The following CEP126 variants were observed in gnomAD, a reference collection of about 807,000 sequenced individuals.
CEP126 encodes the protein centrosomal protein of 126 kDa.
In CEP126, 74 loss-of-function variants were observed where a neutral mutation model predicts 107.8. The observed-to-expected ratio is 0.69, with a 90% CI of 0.57 to 0.83. CEP126 has a LOEUF of 0.83. Ranked by LOEUF, CEP126 falls within the 40% of genes least tolerant of loss-of-function variation. The probability of loss-of-function intolerance (pLI) is 0.00; values close to 1 mark genes in which losing one functional copy is unlikely to be tolerated. For missense variants in CEP126, 1,237 were observed against 1,281.9 expected (o/e 0.96, Z 0.53); for synonymous variants, 449 against 446.0 (o/e 1.01, Z -0.08).
intron 1 of CEP126, among the ~76,000 whole-genome samples, chr11:101,920,007 C>A (rs973604640): frequency 6.6e-6 from 1 of 152,114 alleles, no homozygotes; most frequent in Non-Finnish European, 1.5e-5. Flanking sequence ...TAGCAAAGAA[C>A]CAAATTTTCT....
intron 2 of CEP126, among the ~76,000 whole-genome samples, chr11:101,937,920 G>A (rs1373496211): frequency 7.3e-5 from 11 of 151,460 alleles, no homozygotes; most frequent in African/African-American, 2.2e-4. Flanking sequence ...TTGGGAGGCC[G>A]AGGCGGGTGG....
intron 2 of CEP126, among the ~76,000 whole-genome samples, chr11:101,924,925 TTTC>T (rs1288637485): frequency 6.6e-6 from 1 of 152,194 alleles, no homozygotes; most frequent in Non-Finnish European, 1.5e-5. Flanking sequence ...ACATTTTTAT[TTTC>T]TTATTATTTA....
intron 1 of CEP126, among the ~76,000 whole-genome samples, chr11:101,918,881 G>C (rs1940277973): frequency 6.6e-6 from 1 of 152,132 alleles, no homozygotes; most frequent in Non-Finnish European, 1.5e-5. Context: ...AGGATGAGTA[G>C]AGTTAGCCAA....
intron 9 of CEP126, among the ~76,000 whole-genome samples, chr11:101,987,491 A>G (rs760948831): frequency 3.9e-5 from 6 of 152,154 alleles, no homozygotes; most frequent in Non-Finnish European, 8.8e-5. Flanking sequence ...TATTTAACTC[A>G]TGGGGTGAAA....
In CEP126 at chr11:101,922,766, T is replaced by C. The variant is rs1375535213; in HGVS notation, c.248+6T>C. On this transcript the variant is annotated splice_donor_region_variant and intron_variant, in intron 2 of 10. Coordinates refer to ENST00000263468, the MANE Select transcript of CEP126 (RefSeq NM_020802.4). ...GAGTCAAATCGGAGAAAAAAGTAAG[T>C]AATTGCACTTTATTCAGAAGTATAG... 5 of 1,606,700 alleles carry C rather than the reference T, an allele frequency of 3.1e-6. No individual in the cohort carries two copies. The African/African-American group carries it at 6.7e-5, about 22-fold the overall frequency.
intron 8 of CEP126, among the ~76,000 whole-genome samples, chr11:101,986,159 T>C (rs1345920175): frequency 6.6e-6 from 1 of 152,084 alleles, no homozygotes; most frequent in African/African-American, 2.4e-5. Context: ...ATTTTTGTAT[T>C]TTTAGTACAG....
At chr11:101,930,101 C>T (rs896337305) in intron 2 of CEP126, among the ~76,000 whole-genome samples, 3 of 151,520 alleles carry the variant, frequency 2.0e-5, no homozygotes, top group East Asian at 2.0e-4. Flanking sequence ...CTTTCTCAGG[C>T]GCCAGGGTCC....
chr11:101,982,176 T>C (rs2137127537), intron 8 of CEP126, among the ~76,000 whole-genome samples: 1 of 152,348 alleles, frequency 6.6e-6, no homozygotes, highest in South Asian at 2.1e-4. Flanking sequence ...AGTTATTTTC[T>C]GATTTTTACT....
At chr11:101,985,423 C>T (rs1941305582) in intron 8 of CEP126, among the ~76,000 whole-genome samples, 1 of 151,864 alleles carries the variant, frequency 6.6e-6, no homozygotes, top group Non-Finnish European at 1.5e-5. Context: ...GCTGGGATGA[C>T]AGGCGTATGC....
Position 101,915,129 on chromosome 11 carries a change from G to C in CEP126, c.-156G>C. 8.8e-7 allele frequency: 1 copy of C among 1,136,842 alleles called. No individual in the cohort carries two copies. The highest frequency in any genetic ancestry group is 1.8e-5 in the South Asian group (1 of 56,214). The allele number at this position is 1,136,842 out of a possible 1,614,324, so 70.4% of individuals were successfully genotyped here. ...CCGCTACAGGCACCAGTGCCGCTGCGCGGGAGCTAGGGCTGTCGAGGCCAA... is the reference window on the plus strand; with the variant it reads ...CCGCTACAGGCACCAGTGCCGCTGCCCGGGAGCTAGGGCTGTCGAGGCCAA... On this transcript the variant is annotated 5_prime_UTR_variant, in exon 1 of 11. Transcript: ENST00000263468.
intron 6 of CEP126, among the ~76,000 whole-genome samples, chr11:101,970,572 T>C (rs1287080121): frequency 6.6e-6 from 1 of 152,146 alleles, no homozygotes; most frequent in Middle Eastern, 3.2e-3. Flanking sequence ...AGCCAAATGA[T>C]GTTGACACAT....
In CEP126 at chr11:101,963,031, C is replaced by G; in HGVS notation, c.1996C>G (p.Gln666Glu). Reference sequence around the variant, plus strand: ...ACAGCATTCTCAACAATTCCACATTCAAAGTGGTGCTGGAAGCAACATAAT... The same window carrying G: ...ACAGCATTCTCAACAATTCCACATTGAAAGTGGTGCTGGAAGCAACATAAT... ...TQQHSQQFHI[Q>E]SGAGSNIISV... The change falls in exon 6 of 11, where the codon CAA becomes GAA. Residue 666 changes from glutamine (Q) to glutamate (E), a missense_variant. Physicochemically the swap from Gln to Glu is conservative, Grantham distance 29 (BLOSUM62 2). Around this residue, in one of 3 missense-constraint regions of CEP126, gnomAD observed 1,134 missense variants for 1,150.5 expected, o/e 0.99. Coordinates refer to ENST00000263468, the MANE Select transcript of CEP126 (RefSeq NM_020802.4). The G allele has an allele frequency of 6.2e-7, 1 of 1,613,988 alleles. No homozygotes were observed.
At position 101,924,292 on chromosome 11, in the gene CEP126, A is replaced by G. The variant is rs142371865; in HGVS notation, c.248+1532A>G. Among the ~76,000 whole-genome samples, 1,460 of 152,318 alleles carry G rather than the reference A, an allele frequency of 9.6e-3. 9 individuals are homozygous for G. Among genetic ancestry groups the G allele is most frequent in the Non-Finnish European group, 0.016 (1,103 of 68,024 alleles). Reference sequence around the variant, plus strand: ...TATAAGGGGGCTGAATTATTTGTGCACATCCGAATTTCAGAAGCTGTCTAT... The same window carrying G: ...TATAAGGGGGCTGAATTATTTGTGCGCATCCGAATTTCAGAAGCTGTCTAT... On this transcript the variant is annotated intron_variant, in intron 2 of 10. Coordinates refer to ENST00000263468, the MANE Select transcript of CEP126 (RefSeq NM_020802.4).
At chr11:101,959,078 A>G (rs760019523) in intron 5 of CEP126, among the ~76,000 whole-genome samples, 3 of 152,326 alleles carry the variant, frequency 2.0e-5, no homozygotes, top group Non-Finnish European at 4.4e-5. Flanking sequence ...TGTTGCCTGA[A>G]TAAGCCTTAA....
chr11:101,987,144 A>G lies in CEP126; in HGVS notation c.3244+103A>G, dbSNP rs1941326122. The stretch of plus-strand genomic sequence containing the variant: ...AATTGAAAAGAAAAATACAAAATAT[A>G]TCCATATTACCAACTACCTGAGTGC... On this transcript the variant is annotated intron_variant, in intron 9 of 10. Transcript: ENST00000263468. 1.3e-5 allele frequency: 10 copies of G among 771,860 alleles called. No individual in the cohort carries two copies. In the Admixed American group the frequency reaches 1.7e-4, roughly 13 times the overall value. 47.8% of individuals were successfully genotyped at this position (771,860 alleles called of 1,614,324 possible).
intron 8 of CEP126, among the ~76,000 whole-genome samples, chr11:101,983,444 G>A (rs1435231194): frequency 6.6e-6 from 1 of 152,168 alleles, no homozygotes; most frequent in African/African-American, 2.4e-5. Flanking sequence ...CATCAGCGTC[G>A]CATGAGCACA....
At chr11:101,935,554 G>C (rs970655887) in intron 2 of CEP126, among the ~76,000 whole-genome samples, 1 of 151,986 alleles carries the variant, frequency 6.6e-6, no homozygotes, top group Non-Finnish European at 1.5e-5. Flanking sequence ...AGTTTATTTA[G>C]TTGCTCCAGC....
chr11:101,993,735 A>G (rs949516966), intron 10 of CEP126, among the ~76,000 whole-genome samples: 2 of 152,126 alleles, frequency 1.3e-5, no homozygotes, highest in Admixed American at 6.5e-5. Flanking sequence ...TGACTTTTTA[A>G]TAATAGCCAT....
At chr11:101,944,551 C>A in intron 3 of CEP126, 141 bp downstream of exon 3, 3 of 749,372 alleles carry the variant, frequency 4.0e-6, no homozygotes, top group Non-Finnish European at 6.3e-6. Flanking sequence ...AGCACTTTAA[C>A]CAAAGAAAAA....
Sources: allele counts gnomAD v4.1 joint callset (sites outside exome capture counted in the v4.1 genomes callset), GRCh38; gene constraint gnomAD v4.1.1; regional missense constraint gnomAD v4.1.1; transcripts MANE v1.5; gene names NCBI Gene and HGNC (gene_info 2026-07-23, HGNC 2026-07-21).